The following STK33 variants were observed in gnomAD, a reference collection of about 807,000 sequenced individuals.
STK33 encodes serine/threonine kinase 33.
In STK33, 52 loss-of-function variants were observed where a neutral mutation model predicts 58.0. That is an observed-to-expected ratio of 0.90 (90% CI 0.72 to 1.13). The LOEUF (loss-of-function observed/expected upper bound fraction) is 1.13. Ranked by LOEUF, STK33 falls within the 50% of genes most tolerant of loss-of-function variation. The pLI is 0.00. For synonymous variants in STK33, 215 were observed against 200.1 expected, an observed-to-expected ratio of 1.07 and a Z score of -0.63; for missense variants, 630 against 604.2, an observed-to-expected ratio of 1.04 and a Z score of -0.45.
chr11:8,586,748 C>T (rs948060557), intron 1 of STK33, among the ~76,000 whole-genome samples: 1 of 145,314 alleles, frequency 6.9e-6, no homozygotes, highest in African/African-American at 2.6e-5. Flanking sequence ...CACTTGAATC[C>T]GGGAGGTGGA....
chr11:8,414,716 T>C (rs1248994525), intron 14 of STK33, among the ~76,000 whole-genome samples: 3 of 152,176 alleles, frequency 2.0e-5, no homozygotes, highest in Non-Finnish European at 4.4e-5. Context: ...TCTGTGATTC[T>C]TCTCTGTCCC....
chr11:8,573,876 T>G (rs919695865), intron 1 of STK33, among the ~76,000 whole-genome samples: 1 of 152,170 alleles, frequency 6.6e-6, no homozygotes, highest in Non-Finnish European at 1.5e-5. Context: ...AACAAAATTA[T>G]AGAAATGAAT....
At chr11:8,456,582 C>T (rs531083515) in intron 9 of STK33, among the ~76,000 whole-genome samples, 1 of 152,202 alleles carries the variant, frequency 6.6e-6, no homozygotes, top group South Asian at 2.1e-4. Context: ...CTGCACCTCT[C>T]TGGAACAAAG....
chr11:8,398,588 C>T (rs188729788), intron 15 of STK33, among the ~76,000 whole-genome samples: 2 of 152,272 alleles, frequency 1.3e-5, no homozygotes, highest in Admixed American at 6.5e-5. Flanking sequence ...ATCATAATGA[C>T]AGGATCAAAT....
chr11:8,536,077 TAGAGA>T (rs987429637), intron 1 of STK33, among the ~76,000 whole-genome samples: 1 of 151,968 alleles, frequency 6.6e-6, no homozygotes, highest in Middle Eastern at 3.4e-3. Flanking sequence ...GAGTGAAAGG[TAGAGA>T]AGAGAGACTG....
intron 14 of STK33, among the ~76,000 whole-genome samples, chr11:8,416,202 T>C (rs1230946812): frequency 6.6e-6 from 1 of 151,990 alleles, no homozygotes; most frequent in African/African-American, 2.4e-5. Context: ...ACGAATGGAG[T>C]AACAGAAGAA....
chr11:8,420,384 T>C (rs1332862482), intron 14 of STK33, among the ~76,000 whole-genome samples: 1 of 152,202 alleles, frequency 6.6e-6, no homozygotes, highest in Non-Finnish European at 1.5e-5. Context: ...GCTTTTTTAT[T>C]AATATTCCTA....
chr11:8,440,297 T>C (rs2136389294), intron 12 of STK33, among the ~76,000 whole-genome samples: 1 of 152,184 alleles, frequency 6.6e-6, no homozygotes, highest in Admixed American at 6.5e-5. Context: ...TCTGCCTGTA[T>C]GGGTAGAACA....
intron 1 of STK33, among the ~76,000 whole-genome samples, chr11:8,523,790 T>A (rs1401493008): frequency 1.3e-5 from 2 of 151,930 alleles, no homozygotes; most frequent in Non-Finnish European, 2.9e-5. Context: ...GGAGCCCCTC[T>A]GCCCGGCCGC....
chr11:8,398,609 C>T (rs553527376), intron 15 of STK33, among the ~76,000 whole-genome samples: 72 of 152,212 alleles, frequency 4.7e-4, no homozygotes, highest in African/African-American at 1.7e-3. Context: ...TCAGACGTAA[C>T]AATATTAACC....
chr11:8,493,570 A>G (rs1156701821), intron 1 of STK33, among the ~76,000 whole-genome samples: 24 of 152,192 alleles, frequency 1.6e-4, no homozygotes, highest in Non-Finnish European at 1.5e-5. Flanking sequence ...CAATAGAAAA[A>G]GAGAAAATCC....
intron 7 of STK33, 117 bp from the exon 8 acceptor site, chr11:8,462,026 A>G: frequency 1.6e-6 from 1 of 644,674 alleles, no homozygotes. Flanking sequence ...TTTGAAGTGA[A>G]TTCATACATT....
In STK33 at chr11:8,594,175, A is replaced by T. The variant is rs1313026902; in HGVS notation, c.-558T>A. The T allele has an allele frequency of 6.6e-6, 1 of 152,268 alleles. No individual in the cohort carries two copies. The highest frequency in any genetic ancestry group is 1.5e-5 in the Non-Finnish European group (1 of 68,084). The allele number at this position is 152,268 out of a possible 1,614,324, so 9.4% of individuals were successfully genotyped here. A position where few individuals can be genotyped will look rare whatever the true frequency, so the allele number is the denominator to read the frequency against. ...AATTCTGCACCGGGAGAAACTTTTC[A>T]GCCCGCAGAGCAACCGCAGGGCAGT... On this transcript the variant is annotated 5_prime_UTR_variant, in exon 1 of 16. Coordinates refer to ENST00000687296, the MANE Select transcript of STK33 (RefSeq NM_001352389.2).
At position 8,397,438 on chromosome 11, in the gene STK33, C is replaced by T. The variant is rs183981780; in HGVS notation, c.1345-4728G>A. Among the ~76,000 whole-genome samples, 1,007 of 152,228 alleles carry T rather than the reference C, an allele frequency of 6.6e-3. 5 individuals carry two copies. The highest frequency in any genetic ancestry group is 0.012 in the Admixed American group (190 of 15,290). ...AATAAAAACTAACAAACAGAAAGGA[C>T]ATCCACACCAAAACCCCATCTGTAC... On this transcript the variant is annotated intron_variant, in intron 15 of 15. Coordinates refer to ENST00000687296, the MANE Select transcript of STK33 (RefSeq NM_001352389.2).
At chr11:8,431,174 T>C (rs1405472789) in intron 14 of STK33, among the ~76,000 whole-genome samples, 1 of 152,052 alleles carries the variant, frequency 6.6e-6, no homozygotes, top group Non-Finnish European at 1.5e-5. Context: ...CTCCTTAACA[T>C]AATTTTTATA....
the STK33 span, among the ~76,000 whole-genome samples, chr11:8,362,910 C>CCTCCTTCCTCCCTCCT: frequency 8.1e-4 from 23 of 28,238 alleles, no homozygotes; most frequent in African/African-American, 1.2e-3. Flanking sequence ...CTCTCCCTTC[C>CCTCCTTCCTCCCTCCT]TTCCTTCCTC....
chr11:8,562,906 C>G lies in STK33; in HGVS notation c.-466+31177G>C, dbSNP rs550644707. ...TTATAGTGGGGAAAACAGACTATTA[C>G]TATTTTTAAAAATCACAAGAATAGC... On this transcript the variant is annotated intron_variant, in intron 1 of 15. Coordinates refer to ENST00000687296, the MANE Select transcript of STK33 (RefSeq NM_001352389.2). Among the ~76,000 whole-genome samples the G allele has an allele frequency of 4.6e-5, 7 of 152,256 alleles. No homozygotes were observed. The South Asian group carries it at 1.2e-3, about 27-fold the overall frequency.
chr11:8,548,013 G>C (rs1283442525), intron 1 of STK33, among the ~76,000 whole-genome samples: 4 of 150,004 alleles, frequency 2.7e-5, no homozygotes, highest in Non-Finnish European at 4.4e-5. Flanking sequence ...GGCCTGTTGT[G>C]GGGTGGAGGG....
the STK33 span, among the ~76,000 whole-genome samples, chr11:8,379,780 C>T: frequency 6.6e-6 from 1 of 152,148 alleles, no homozygotes; most frequent in Admixed American, 6.5e-5. Flanking sequence ...TCCACCCACC[C>T]TTCACCCTCT....
Sources: allele counts gnomAD v4.1 joint callset (sites outside exome capture counted in the v4.1 genomes callset), GRCh38; gene constraint gnomAD v4.1.1; transcripts MANE v1.5; gene names NCBI Gene and HGNC (gene_info 2026-07-23, HGNC 2026-07-21).